The following KLHDC1 variants were observed in gnomAD, a reference collection of about 807,000 sequenced individuals.
KLHDC1 encodes the protein kelch domain containing 1, also known as kelch domain-containing protein 1.
Under a neutral mutation model 68.3 loss-of-function variants are expected in KLHDC1, and 53 were observed. The observed-to-expected ratio is 0.78, with a 90% CI of 0.62 to 0.98. The LOEUF is 0.98. Ranked by LOEUF, KLHDC1 falls within the 50% of genes least tolerant of loss-of-function variation. KLHDC1 has a pLI of 0.00. For synonymous variants in KLHDC1, 148 were observed against 159.0 expected (o/e 0.93, Z 0.52); for missense variants, 470 against 492.3 (o/e 0.95, Z 0.43).
intron 4 of KLHDC1, among the ~76,000 whole-genome samples, chr14:49,718,681 T>C (rs905133766): frequency 5.9e-5 from 9 of 152,086 alleles, no homozygotes; most frequent in African/African-American, 2.2e-4. Flanking sequence ...TTTTTCTTAG[T>C]GCAGCTGTCT....
chr14:49,710,412 G>A (rs368623364), intron 4 of KLHDC1, 31 bp downstream of exon 4: 33 of 1,089,946 alleles, frequency 3.0e-5, no homozygotes, highest in Non-Finnish European at 4.2e-5. Context: ...AATGCATTAT[G>A]TCTACCTAAG....
At chr14:49,713,833 TATATATATA>T (rs1477670729) in intron 4 of KLHDC1, among the ~76,000 whole-genome samples, 1,834 of 15,558 alleles carry the variant, frequency 0.12, 425 homozygotes, top group Middle Eastern at 0.21. Context: ...TATATATATA[TATATATATA>T]TATATATATT....
intron 8 of KLHDC1, among the ~76,000 whole-genome samples, chr14:49,730,618 G>A (rs530065155): frequency 3.3e-5 from 5 of 152,202 alleles, no homozygotes; most frequent in African/African-American, 1.2e-4. Flanking sequence ...TAGAAAAGTG[G>A]ACAAAGAACA....
chr14:49,741,085 C>A (rs1889053591), intron 11 of KLHDC1, among the ~76,000 whole-genome samples: 2 of 151,948 alleles, frequency 1.3e-5, no homozygotes, highest in Middle Eastern at 3.2e-3. Flanking sequence ...CAGAGCGAGA[C>A]CCTGTCTCAA....
At chr14:49,713,760 G>A (rs1888270712) in intron 4 of KLHDC1, among the ~76,000 whole-genome samples, 2 of 137,196 alleles carry the variant, frequency 1.5e-5, no homozygotes, top group South Asian at 2.4e-4. Flanking sequence ...GGTGGCGTAC[G>A]CCTGTGGTCA....
intron 6 of KLHDC1, among the ~76,000 whole-genome samples, chr14:49,728,641 A>C (rs1298600042): frequency 2.0e-5 from 3 of 152,254 alleles, no homozygotes; most frequent in African/African-American, 7.2e-5. Context: ...TTTATACAGT[A>C]TTTCAAACAA....
chr14:49,722,362 G>A (rs55651089), intron 4 of KLHDC1, among the ~76,000 whole-genome samples: 20,013 of 152,144 alleles, frequency 0.13, 1,641 homozygotes, highest in Non-Finnish European at 0.19. Flanking sequence ...GAGAACATGC[G>A]GTGTTTGGTT....
At chr14:49,723,011 C>T (rs1056997657) in intron 4 of KLHDC1, among the ~76,000 whole-genome samples, 12 of 142,826 alleles carry the variant, frequency 8.4e-5, no homozygotes, top group Admixed American at 5.3e-4. Context: ...CACTCGAACC[C>T]GGGAGGCGGA....
chr14:49,748,085 A>G (rs2139771835), intron 12 of KLHDC1, among the ~76,000 whole-genome samples: 1 of 152,342 alleles, frequency 6.6e-6, no homozygotes, highest in South Asian at 2.1e-4. Flanking sequence ...TTCTGGTCCA[A>G]GAGGAGGATG....
chr14:49,714,083 G>A (rs890266119), intron 4 of KLHDC1, among the ~76,000 whole-genome samples: 7 of 149,820 alleles, frequency 4.7e-5, no homozygotes, highest in Admixed American at 6.7e-5. Flanking sequence ...CTGGCTTTAA[G>A]TGATCCACCC....
chr14:49,735,974 C>T (rs1888922065), intron 10 of KLHDC1, among the ~76,000 whole-genome samples: 1 of 152,024 alleles, frequency 6.6e-6, no homozygotes, highest in African/African-American at 2.4e-5. Context: ...GAGATTGTGC[C>T]ACTGCACTCC....
At chr14:49,718,782 T>A (rs1476233378) in intron 4 of KLHDC1, among the ~76,000 whole-genome samples, 1 of 136,706 alleles carries the variant, frequency 7.3e-6, no homozygotes, top group Non-Finnish European at 1.6e-5. Context: ...TTTTTTTTTT[T>A]TTTTTTTTTT....
intron 4 of KLHDC1, among the ~76,000 whole-genome samples, chr14:49,713,422 A>C (rs538824815): frequency 6.6e-6 from 1 of 152,160 alleles, no homozygotes; most frequent in Non-Finnish European, 1.5e-5. Context: ...ATACTTCTAT[A>C]AAAAGAAACT....
chr14:49,715,191 C>T (rs1253680136), intron 4 of KLHDC1, among the ~76,000 whole-genome samples: 7 of 149,860 alleles, frequency 4.7e-5, no homozygotes, highest in African/African-American at 1.7e-4. Flanking sequence ...GGCATGATCT[C>T]GGCTCACTGC....
chr14:49,723,729 G>C, intron 4 of KLHDC1, 145 bp from the exon 5 acceptor site: 1 of 560,856 alleles, frequency 1.8e-6, no homozygotes, highest in Non-Finnish European at 3.1e-6. Flanking sequence ...GGTTTATTTA[G>C]GTCTCTTTGT....
intron 1 of KLHDC1, among the ~76,000 whole-genome samples, chr14:49,704,914 A>G (rs1888008119): frequency 6.6e-6 from 1 of 152,200 alleles, no homozygotes; most frequent in South Asian, 2.1e-4. Flanking sequence ...GAGCGTAACA[A>G]GATAGACAAG....
At chr14:49,737,646 C>T (rs969804817) in intron 10 of KLHDC1, among the ~76,000 whole-genome samples, 5 of 151,072 alleles carry the variant, frequency 3.3e-5, no homozygotes, top group Non-Finnish European at 7.4e-5. Flanking sequence ...GAGAGGATTG[C>T]TTAAGCCCAG....
chr14:49,722,228 T>G (rs1299784144), intron 4 of KLHDC1, among the ~76,000 whole-genome samples: 1 of 152,230 alleles, frequency 6.6e-6, no homozygotes, highest in East Asian at 1.9e-4. Context: ...GCTGCACCCA[T>G]TAACACATCA....
At chr14:49,701,419 G>A (rs1887901776) in intron 1 of KLHDC1, among the ~76,000 whole-genome samples, 1 of 152,152 alleles carries the variant, frequency 6.6e-6, no homozygotes. Context: ...TAGCACTTTG[G>A]GAGGCCAAAG....
Sources: gnomAD v4.1 joint callset for allele counts (sites outside exome capture counted in the v4.1 genomes callset) on GRCh38, gnomAD v4.1.1 for gene constraint, MANE v1.5 for transcripts, NCBI Gene and HGNC (gene_info 2026-07-23, HGNC 2026-07-21) for gene names.